Variants in BTD observed in about 807,000 individuals in gnomAD.
The protein encoded by BTD is biocytinase.
BTD carries 13 observed loss-of-function variants against 17.7 expected under a neutral mutation model. The observed-to-expected ratio is 0.74, with a 90% CI of 0.48 to 1.17. The LOEUF (loss-of-function observed/expected upper bound fraction) is 1.17, where lower values mean the gene tolerates loss of function less well. Ranked by LOEUF, BTD falls within the 50% of genes most tolerant of loss-of-function variation. The pLI is 0.00. For missense variants in BTD, 674 were observed against 650.4 expected (o/e 1.04, Z -0.39); for synonymous variants, 240 against 245.2 (o/e 0.98, Z 0.20).
rs1198751458 is a variant in BTD, at chr3:15,645,821, A to G, written c.*333A>G. 8.9e-6 allele frequency: 2 copies of G among 225,836 alleles called. No homozygotes were observed. Among genetic ancestry groups the G allele is most frequent in the East Asian group, 2.2e-4 (2 of 9,214 alleles). The allele number at this position is 225,836 out of a possible 1,614,324, so 14.0% of individuals were successfully genotyped here. On this transcript the variant is annotated 3_prime_UTR_variant, in exon 4 of 4. Coordinates refer to ENST00000643237, the MANE Select transcript of BTD (RefSeq NM_001370658.1). ...TCAGTTTATATTTTACACATCCACA[A>G]AGCAGTGGCTTGGGGTTTTTTTTTT...
chr3:15,631,800 C>T (rs1425986133), intron 1 of BTD, among the ~76,000 whole-genome samples: 3 of 152,180 alleles, frequency 2.0e-5, no homozygotes, highest in Non-Finnish European at 2.9e-5. Flanking sequence ...TTCTGCGCTA[C>T]GTGAACTGGG....
At chr3:15,659,677 G>T (rs2455799) in intron 3 of BTD, among the ~76,000 whole-genome samples, 95,279 of 152,138 alleles carry the variant, frequency 0.63, 30,794 homozygotes, top group East Asian at 0.77. Context: ...ACTCTAAGAT[G>T]ACCATGTAGA....
chr3:15,695,181 T>G, intron 3 of BTD: 2 of 1,593,614 alleles, frequency 1.3e-6, no homozygotes, highest in Non-Finnish European at 1.7e-6. Flanking sequence ...AATTGACTAA[T>G]ACTTACAACA....
At chr3:15,639,646 A>G (rs565474228) in intron 2 of BTD, among the ~76,000 whole-genome samples, 3 of 152,228 alleles carry the variant, frequency 2.0e-5, no homozygotes, top group East Asian at 1.9e-4. Context: ...GTACCCTAGT[A>G]TAATTTGGAA....
At chr3:15,616,275 C>G (rs1324195607) in intron 1 of BTD, among the ~76,000 whole-genome samples, 4 of 152,194 alleles carry the variant, frequency 2.6e-5, no homozygotes, top group Admixed American at 2.6e-4. Context: ...AGCAATGAAT[C>G]AGACTTCCTG....
chr3:15,714,532 G>GGA (rs556949925), downstream of BTD: 15 of 1,085,198 alleles, frequency 1.4e-5, no homozygotes, highest in East Asian at 9.6e-5. Context: ...CTACATTTAA[G>GGA]AAAAAAAAAA....
intron 2 of BTD, among the ~76,000 whole-genome samples, chr3:15,640,983 C>T (rs758062703): frequency 4.3e-4 from 65 of 152,220 alleles, no homozygotes; most frequent in Non-Finnish European, 8.5e-4. Context: ...CATGCCTTCT[C>T]TGCCTGCCTT....
chr3:15,644,923 C>A lies in BTD; in HGVS notation c.1007C>A (p.Pro336Gln). The stretch of plus-strand genomic sequence containing the variant: ...GAGAATGCAACAGGTGAAACGGACC[C>A]ATCCCATAGTAAGTTTTTAAAAATT... ...GAENATGETD[P>Q]SHSKFLKILS... The change falls in exon 4 of 4, where the codon CCA becomes CAA. Residue 336 changes from proline (P) to glutamine (Q), a missense_variant. Pro to Gln is a moderately conservative substitution (Grantham distance 76). Coordinates refer to ENST00000643237, the MANE Select transcript of BTD (RefSeq NM_001370658.1). The A allele has an allele frequency of 6.2e-7, 1 of 1,614,102 alleles. No homozygotes were observed. The highest frequency in any genetic ancestry group is 8.5e-7 in the Non-Finnish European group (1 of 1,180,028).
chr3:15,692,144 TA>T lies in BTD; in HGVS notation c.400-17894del, dbSNP rs908039642. On this transcript the variant is annotated intron_variant, in intron 3 of 3. Transcript: ENST00000672141. ...GACAGAATGAGATTGTATCTCTAAA[TA>T]AAAAAAAAAAAAAAAAAAAAATGAG... 6.2e-3 allele frequency among the ~76,000 whole-genome samples: 613 copies of T among 98,906 alleles called. 4 individuals carry two copies. Among genetic ancestry groups the T allele is most frequent in the East Asian group, 0.024 (86 of 3,564 alleles). The allele number at this position is 98,906 out of a possible 152,430, so 64.9% of individuals were successfully genotyped here. A position where few individuals can be genotyped will look rare whatever the true frequency, so the allele number is the denominator to read the frequency against.
intron 1 of BTD, among the ~76,000 whole-genome samples, chr3:15,608,696 T>C (rs752545434): frequency 6.6e-6 from 1 of 151,358 alleles, no homozygotes; most frequent in African/African-American, 2.4e-5. Context: ...AACCCAGGAG[T>C]TGGAGGTTGC....
chr3:15,667,623 C>T (rs913166067), intron 3 of BTD: 26 of 152,196 alleles, frequency 1.7e-4, no homozygotes, highest in African/African-American at 6.3e-4. Context: ...CTTATTCCAA[C>T]AATACTGGCG....
intron 3 of BTD, among the ~76,000 whole-genome samples, chr3:15,643,047 AAAT>A (rs1476201889): frequency 5.0e-5 from 4 of 79,634 alleles, no homozygotes; most frequent in African/African-American, 2.2e-4. Context: ...AAAAAAAATA[AAAT>A]AAAATAAAGA....
At chr3:15,672,059 T>TTA (rs1368346741) in intron 3 of BTD, among the ~76,000 whole-genome samples, 1 of 152,212 alleles carries the variant, frequency 6.6e-6, no homozygotes, top group Non-Finnish European at 1.5e-5. Flanking sequence ...TATGGTTTAG[T>TTA]TATACATTTC....
At chr3:15,666,780 C>A (rs1437001580) in intron 3 of BTD, among the ~76,000 whole-genome samples, 3 of 152,200 alleles carry the variant, frequency 2.0e-5, no homozygotes, top group African/African-American at 7.2e-5. Context: ...ATTTAAAGAG[C>A]TGCTGATTTT....
rs2065730373 is a variant in BTD at position 15,647,887 on chromosome 3, T to C, written c.*2399T>C. Among the ~76,000 whole-genome samples the C allele has an allele frequency of 6.6e-6, 1 of 152,200 alleles. No individual in the cohort carries two copies. Among genetic ancestry groups the C allele is most frequent in the South Asian group, 2.1e-4 (1 of 4,836 alleles). On this transcript the variant is annotated 3_prime_UTR_variant, in exon 4 of 4. Coordinates refer to ENST00000643237, the MANE Select transcript of BTD (RefSeq NM_001370658.1). ...GTATTCACACTGGATTTAAAAGCCCTGTTCTTAGAGAGGAAAAAACCAGGC... is the reference window on the plus strand; with the variant it reads ...GTATTCACACTGGATTTAAAAGCCCCGTTCTTAGAGAGGAAAAAACCAGGC...
chr3:15,631,478 G>C (rs2125437184), intron 1 of BTD: 2 of 1,535,034 alleles, frequency 1.3e-6, no homozygotes, highest in Non-Finnish European at 1.7e-6. Context: ...TAATTATTAA[G>C]ATGAATCATT....
chr3:15,656,145 T>C (rs541131785), downstream of BTD, among the ~76,000 whole-genome samples: 27 of 152,346 alleles, frequency 1.8e-4, no homozygotes, highest in African/African-American at 6.3e-4. Flanking sequence ...TGAATTTCTC[T>C]GAGTTTCTCT....
At chr3:15,675,498 G>T (rs903861136) in intron 3 of BTD, among the ~76,000 whole-genome samples, 9 of 152,102 alleles carry the variant, frequency 5.9e-5, no homozygotes, top group South Asian at 2.1e-4. Context: ...ACACAAAAGA[G>T]AACTGTCAAA....
intron 1 of BTD, among the ~76,000 whole-genome samples, chr3:15,620,585 G>T (rs906842947): frequency 6.6e-6 from 1 of 152,070 alleles, no homozygotes; most frequent in Non-Finnish European, 1.5e-5. Flanking sequence ...CAATCAATTT[G>T]TACAGTTAGC....
Sources: allele counts gnomAD v4.1 joint callset (sites outside exome capture counted in the v4.1 genomes callset), GRCh38; gene constraint gnomAD v4.1.1; transcripts MANE v1.5; gene names NCBI Gene and HGNC (gene_info 2026-07-23, HGNC 2026-07-21).